The following ATP13A2 variants were observed in gnomAD, a reference collection of about 807,000 sequenced individuals.
The protein encoded by ATP13A2 is ATPase cation transporting 13A2, also known as polyamine-transporting ATPase 13A2.
ATP13A2 carries 83 observed loss-of-function variants against 138.3 expected under a neutral mutation model. That is an observed-to-expected ratio of 0.60 (90% CI 0.50 to 0.72). ATP13A2 has a LOEUF of 0.72. ATP13A2 is among the 30% of genes least tolerant of loss of function. The pLI is 0.00. For missense variants in ATP13A2, 1,402 were observed against 1,606.4 expected (o/e 0.87, Z 2.17); for synonymous variants, 663 against 699.0 (o/e 0.95, Z 0.81).
chr1:16,986,603 T>C lies in ATP13A2; in HGVS notation c.3265A>G (p.Ser1089Gly), dbSNP rs1352505144. ...VPFLVALALL[S>G]SVLVGLVLVP... ...AGGACAAGGCCCACCAGGACGGAGC[T>C]CAGGAGCGCCAGGGCCACCAGGAAG... Residue 1089 changes from serine to glycine, a missense_variant, in exon 28 of 29, where the codon AGC becomes GGC. Transcript: ENST00000326735. The surrounding 1 kb of genome is among the most constrained non-coding windows in gnomAD (Gnocchi z 6.9). The C allele has an allele frequency of 6.2e-7, 1 of 1,610,504 alleles. No individual in the cohort carries two copies. Among genetic ancestry groups the C allele is most frequent in the Non-Finnish European group, 8.5e-7 (1 of 1,179,558 alleles).
At chr1:16,993,938 C>T (rs1377939359) in intron 15 of ATP13A2, 103 bp from the exon 16 acceptor site, 4 of 998,372 alleles carry the variant, frequency 4.0e-6, no homozygotes, top group Admixed American at 3.0e-5. Context: ...ATGGGAACCC[C>T]AGGAACTCGA....
chr1:16,991,283 C>T (rs2076920104), intron 20 of ATP13A2, among the ~76,000 whole-genome samples: 1 of 152,080 alleles, frequency 6.6e-6, no homozygotes. Flanking sequence ...CGGAGTTTTG[C>T]CATGTTGCCC....
intron 15 of ATP13A2, 63 bp from the exon 16 acceptor site, chr1:16,993,898 G>T: frequency 7.1e-7 from 1 of 1,405,524 alleles, no homozygotes; most frequent in Non-Finnish European, 9.5e-7. Flanking sequence ...TGCTGAGCTG[G>T]GCCTCCAAAC....
Position 17,000,139 on chromosome 1 carries a change from T to C in ATP13A2, c.911A>G (p.Glu304Gly), listed in dbSNP as rs934343857. ...RVCVCRPGGE[E>G]EWVDSSELVP... The stretch of plus-strand genomic sequence containing the variant: ...TAGCTCACTGGAGTCCACCCACTCT[T>C]CCTCTGCAGGCAGGCAGGAGAGGAG... The change falls in exon 11 of 29, where the codon GAA becomes GGA. Residue 304 changes from glutamate to glycine, a missense_variant. Physicochemically the swap from Glu to Gly is moderately conservative, Grantham distance 98. Coordinates refer to ENST00000326735, the MANE Select transcript of ATP13A2 (RefSeq NM_022089.4). 33 of 1,613,066 alleles carry C rather than the reference T, an allele frequency of 2.0e-5. No individual in the cohort carries two copies. The highest frequency in any genetic ancestry group is 2.7e-5 in the African/African-American group (2 of 74,870).
In ATP13A2 at chr1:16,989,955, TG is replaced by T; in HGVS notation, c.2460del (p.Arg821GlyfsTer14). The T allele has an allele frequency of 6.2e-7, 1 of 1,606,242 alleles. No homozygotes were observed. Among genetic ancestry groups the T allele is most frequent in the Admixed American group, 1.7e-5 (1 of 58,232 alleles). ...GTGGGCCCGCTGAGGGCCAGGTGCC[TG>T]GATCGGGGGTCTGGCTCCACGGTGT... is the stretch of plus-strand genomic sequence containing the variant. The part of the protein sequence containing the change: ...ASYTVEPDPR[S>X]RHLALSGPTF... On this transcript the variant is annotated frameshift_variant, in exon 22 of 29. Transcript: ENST00000326735. LOFTEE classifies it high-confidence loss of function.
chr1:17,000,124 G>A lies in ATP13A2; in HGVS notation c.926C>T (p.Ser309Phe). The A allele has an allele frequency of 1.2e-6, 2 of 1,613,376 alleles. No individual in the cohort carries two copies. Among genetic ancestry groups the A allele is most frequent in the East Asian group, 2.2e-5 (1 of 44,860 alleles). The stretch of plus-strand genomic sequence containing the variant: ...GCAGTCTCCGGGCACTAGCTCACTG[G>A]AGTCCACCCACTCTTCCTCTGCAGG... ...RPGGEEEWVD[S>F]SELVPGDCLV... The change falls in exon 11 of 29, where the codon TCC (serine) becomes TTC (phenylalanine). Residue 309 changes from serine (S) to phenylalanine (F), a missense_variant. Physicochemically the swap from Ser to Phe is radical, Grantham distance 155. Coordinates refer to ENST00000326735, the MANE Select transcript of ATP13A2 (RefSeq NM_022089.4).
chr1:16,988,086 C>T (rs569841453), intron 25 of ATP13A2, 52 bp downstream of exon 25: 2 of 1,529,788 alleles, frequency 1.3e-6, no homozygotes, highest in Admixed American at 3.4e-5. Flanking sequence ...AGGGCTGTGT[C>T]CCCTCCCTAG....
chr1:16,992,237 C>A lies in ATP13A2; in HGVS notation c.2005+6G>T. On this transcript the variant is annotated splice_donor_region_variant and intron_variant, in intron 18 of 28. Transcript: ENST00000326735. ...ACCAGGGGGACTCAGGGGCTTCCCC[C>A]TGCACCTGTCTCGGGGTTGCAGAGC... The A allele has an allele frequency of 1.9e-6, 3 of 1,612,760 alleles. No homozygotes were observed. Among genetic ancestry groups the A allele is most frequent in the Non-Finnish European group, 2.5e-6 (3 of 1,179,958 alleles).
At position 17,000,307 on chromosome 1, in the gene ATP13A2, G is replaced by A. The variant is rs762440899; in HGVS notation, c.846C>T (p.Ser282=). ...CLSLYKTRKQ[S]QTLRDMVKLS... ...ACTTGACCATGTCCCTTAGAGTCTG[G>A]CTTTGCTGTGGGCAGGGGACAAGAG... The change falls in exon 10 of 29, where the codon AGC becomes AGT. Residue 282 remains serine, a synonymous_variant. Coordinates refer to ENST00000326735, the MANE Select transcript of ATP13A2 (RefSeq NM_022089.4). 7.0e-6 allele frequency: 11 copies of A among 1,581,820 alleles called. No homozygotes were observed. The African/African-American group carries it at 8.1e-5, about 12-fold the overall frequency.
chr1:17,002,789 C>A (rs1164516727), intron 6 of ATP13A2, among the ~76,000 whole-genome samples: 1 of 152,142 alleles, frequency 6.6e-6, no homozygotes, highest in Non-Finnish European at 1.5e-5. Context: ...GCCTCGGGGA[C>A]TGCTTTGGAC....
rs2076700373 is a variant in ATP13A2, at chr1:16,985,968, TATC to T, written c.*250_*252del. On this transcript the variant is annotated 3_prime_UTR_variant, in exon 29 of 29. Coordinates refer to ENST00000326735, the MANE Select transcript of ATP13A2 (RefSeq NM_022089.4). ...GACAGGCACAGCAGAGCCAGGAAAA[TATC>T]ATGACTTTATTTGCTACACTGACAG... 7.6e-6 allele frequency: 11 copies of T among 1,439,018 alleles called. No homozygotes were observed. Among genetic ancestry groups the T allele is most frequent in the Non-Finnish European group, 9.1e-6 (10 of 1,095,006 alleles). The allele number at this position is 1,439,018 out of a possible 1,614,324, so 89.1% of individuals were successfully genotyped here. A position where few individuals can be genotyped will look rare whatever the true frequency, so the allele number is the denominator to read the frequency against.
At position 16,987,231 on chromosome 1, in the gene ATP13A2, G is replaced by C. The variant is rs369100259; in HGVS notation, c.2898C>G (p.Ile966Met). Residue 966 changes from isoleucine to methionine, a missense_variant, in exon 26 of 29, where the codon ATC (isoleucine) becomes ATG (methionine). Ile to Met is a conservative substitution (Grantham distance 10). Coordinates refer to ENST00000326735, the MANE Select transcript of ATP13A2 (RefSeq NM_022089.4). ...TNLGDLQFLA[I>M]DLVITTTVAV... Reference sequence around the variant, plus strand: ...CCACTGTGGTGGTGATGACCAGGTCGATGGCCAGGAACTGCAGGTCACCCA... The same window carrying C: ...CCACTGTGGTGGTGATGACCAGGTCCATGGCCAGGAACTGCAGGTCACCCA... 1.2e-6 allele frequency: 2 copies of C among 1,613,868 alleles called. No individual in the cohort carries two copies. The highest frequency in any genetic ancestry group is 1.7e-6 in the Non-Finnish European group (2 of 1,179,854).
At chr1:17,009,930 T>C (rs2101334480) in intron 1 of ATP13A2, among the ~76,000 whole-genome samples, 1 of 152,200 alleles carries the variant, frequency 6.6e-6, no homozygotes, top group Non-Finnish European at 1.5e-5. Flanking sequence ...CAGGGCACTC[T>C]CTCCTGCAGT....
At position 17,011,591 on chromosome 1, in the gene ATP13A2, T is replaced by C; in HGVS notation, c.10+138A>G. 1 of 1,135,696 alleles carries C rather than the reference T, an allele frequency of 8.8e-7. No individual in the cohort carries two copies. The highest frequency in any genetic ancestry group is 3.1e-4 in the Middle Eastern group (1 of 3,184). 70.4% of individuals were successfully genotyped at this position (1,135,696 alleles called of 1,614,324 possible). ...TCAAAAGGGAGGGGACGGGCCAGGA[T>C]CCCCAACCAGGTCCCGCTTCCTGGG... is the stretch of plus-strand genomic sequence containing the variant. On this transcript the variant is annotated intron_variant, in intron 1 of 28. Coordinates refer to ENST00000326735, the MANE Select transcript of ATP13A2 (RefSeq NM_022089.4). The surrounding 1 kb of genome is among the most constrained non-coding windows in gnomAD (Gnocchi z 7.3).
At chr1:16,989,239 T>A (rs2076839310) in intron 23 of ATP13A2, among the ~76,000 whole-genome samples, 1 of 151,592 alleles carries the variant, frequency 6.6e-6, no homozygotes, top group Non-Finnish European at 1.5e-5. Flanking sequence ...TGAGACGGAG[T>A]CTCGCTCTGT....
At chr1:17,007,697 G>C (rs1390359739) in intron 1 of ATP13A2, among the ~76,000 whole-genome samples, 1 of 151,650 alleles carries the variant, frequency 6.6e-6, no homozygotes, top group Non-Finnish European at 1.5e-5. Context: ...GACTACAGGC[G>C]CCCGCCACCA....
At chr1:16,990,036 C>G in intron 21 of ATP13A2, 33 bp from the exon 22 acceptor site, 2 of 1,613,348 alleles carry the variant, frequency 1.2e-6, no homozygotes, top group African/African-American at 1.3e-5. Context: ...TTAGCTCCCC[C>G]TGCCCACCCT....
Position 16,987,040 on chromosome 1 carries a change from A to G in ATP13A2, c.3083+6T>C, listed in dbSNP as rs763544862. 1 of 1,613,150 alleles carries G rather than the reference A, an allele frequency of 6.2e-7. No individual in the cohort carries two copies. Among genetic ancestry groups the G allele is most frequent in the Admixed American group, 1.7e-5 (1 of 59,988 alleles). On this transcript the variant is annotated splice_donor_region_variant and intron_variant, in intron 26 of 28. Coordinates refer to ENST00000326735, the MANE Select transcript of ATP13A2 (RefSeq NM_022089.4). ...GATGGGGGTGGTCAGTCAGCTCCCT[A>G]CTCACCATGGCTGGGCCAGGGTCAG...
At chr1:17,002,905 T>G (rs1374239186) in intron 6 of ATP13A2, among the ~76,000 whole-genome samples, 1 of 152,088 alleles carries the variant, frequency 6.6e-6, no homozygotes, top group Non-Finnish European at 1.5e-5. Context: ...CTGCCTCACC[T>G]CCACATGACA....
Sources: allele counts gnomAD v4.1 joint callset (sites outside exome capture counted in the v4.1 genomes callset), GRCh38; gene constraint gnomAD v4.1.1; non-coding constraint Gnocchi (gnomAD v3.1); transcripts MANE v1.5; gene names NCBI Gene and HGNC (gene_info 2026-07-23, HGNC 2026-07-21).